Variants in CAMTA1 observed in about 807,000 individuals in gnomAD.
The protein encoded by CAMTA1 is calmodulin-binding transcription activator 1.
A neutral mutation model predicts 170.9 loss-of-function variants in CAMTA1; 27 were observed. The ratio of observed to expected loss-of-function variants is 0.16; its 90% confidence interval spans 0.12 to 0.22. The LOEUF is 0.22. Among genes scored for constraint, CAMTA1 ranks in the 10% least tolerant of loss-of-function variants. CAMTA1 has a pLI of 1.00. For synonymous variants in CAMTA1, 833 were observed against 891.5 expected (o/e 0.93, Z 1.17); for missense variants, 1,619 against 2,217.2 (o/e 0.73, Z 5.42).
At chr1:7,511,018 C>T (rs2094195306) in intron 6 of CAMTA1, among the ~76,000 whole-genome samples, 1 of 144,890 alleles carries the variant, frequency 6.9e-6, no homozygotes, top group African/African-American at 2.5e-5. Context: ...TTAAACTCTC[C>T]GTGTGTGTTA....
intron 4 of CAMTA1, among the ~76,000 whole-genome samples, chr1:7,211,293 C>T (rs899488441): frequency 3.9e-5 from 6 of 152,230 alleles, no homozygotes; most frequent in African/African-American, 9.6e-5. Context: ...AGTGTACCAT[C>T]GAACAAGCTT....
intron 3 of CAMTA1, among the ~76,000 whole-genome samples, chr1:6,937,334 TC>T: frequency 6.8e-6 from 1 of 147,220 alleles, no homozygotes; most frequent in South Asian, 2.2e-4. Flanking sequence ...CCATCACCAT[TC>T]ACCACTTACC....
intron 5 of CAMTA1, among the ~76,000 whole-genome samples, chr1:7,256,486 G>C (rs572079721): frequency 9.2e-5 from 14 of 152,304 alleles, no homozygotes; most frequent in Middle Eastern, 3.4e-3. Context: ...CGTGAACCCG[G>C]GAGGCGCAGC....
intron 3 of CAMTA1, among the ~76,000 whole-genome samples, chr1:7,032,717 AAT>A (rs1210992329): frequency 6.6e-6 from 1 of 151,924 alleles, no homozygotes; most frequent in Non-Finnish European, 1.5e-5. Context: ...GAGTTGCTTT[AAT>A]ATTTCTTGTA....
chr1:7,034,942 T>C (rs1283613272), intron 3 of CAMTA1, among the ~76,000 whole-genome samples: 1 of 152,198 alleles, frequency 6.6e-6, no homozygotes, highest in African/African-American at 2.4e-5. Context: ...AAATAAAAAT[T>C]GGCATTCCAT....
intron 5 of CAMTA1, among the ~76,000 whole-genome samples, chr1:7,446,107 T>C (rs953284284): frequency 6.6e-6 from 1 of 151,968 alleles, no homozygotes; most frequent in African/African-American, 2.4e-5. Flanking sequence ...CTCACCTTGC[T>C]GTCGGCAAGA....
chr1:6,964,517 G>A (rs1307456576), intron 3 of CAMTA1, among the ~76,000 whole-genome samples: 1 of 152,136 alleles, frequency 6.6e-6, no homozygotes, highest in Non-Finnish European at 1.5e-5. Flanking sequence ...AAAAGCCATG[G>A]CTGCCTCTCT....
intron 4 of CAMTA1, among the ~76,000 whole-genome samples, chr1:7,141,837 G>T (rs1349477084): frequency 1.3e-5 from 2 of 152,164 alleles, no homozygotes; most frequent in African/African-American, 2.4e-5. Context: ...GACTCCGAAG[G>T]CCTATTGACT....
At chr1:7,370,975 G>A (rs1272814847) in intron 5 of CAMTA1, among the ~76,000 whole-genome samples, 1 of 136,790 alleles carries the variant, frequency 7.3e-6, no homozygotes, top group Non-Finnish European at 1.5e-5. Context: ...GCAGTGGCGC[G>A]ATCTCGGCTC....
chr1:6,809,387 T>G (rs1644912986), intron 1 of CAMTA1, among the ~76,000 whole-genome samples: 1 of 152,042 alleles, frequency 6.6e-6, no homozygotes, highest in African/African-American at 2.4e-5. Context: ...CAGCGTGACA[T>G]TGGAGATGTG....
At chr1:7,172,493 G>A (rs572012018) in intron 4 of CAMTA1, among the ~76,000 whole-genome samples, 4 of 149,006 alleles carry the variant, frequency 2.7e-5, no homozygotes, top group Non-Finnish European at 4.4e-5. Context: ...GGAGGTGAAG[G>A]TATGCGGAGC....
In CAMTA1 at chr1:7,050,993, A is replaced by C. The variant is rs1706259151; in HGVS notation, c.235-40311A>C. Among the ~76,000 whole-genome samples, 1 of 152,052 alleles carries C rather than the reference A, an allele frequency of 6.6e-6. No homozygotes were observed. Among genetic ancestry groups the C allele is most frequent in the Non-Finnish European group, 1.5e-5 (1 of 68,012 alleles). On this transcript the variant is annotated intron_variant, in intron 3 of 22. Coordinates refer to ENST00000303635, the MANE Select transcript of CAMTA1 (RefSeq NM_015215.4). The surrounding 1 kb of genome is among the most constrained non-coding windows in gnomAD (Gnocchi z 4.8). Reference sequence around the variant, plus strand: ...ACTGTGCTGCCTCTTTCCGGGGTGTAATTTGAGTTTGCATGTGGAACGAGG... The same window carrying C: ...ACTGTGCTGCCTCTTTCCGGGGTGTCATTTGAGTTTGCATGTGGAACGAGG...
At chr1:7,715,675 G>A (rs1392418812) in intron 11 of CAMTA1, among the ~76,000 whole-genome samples, 1 of 152,206 alleles carries the variant, frequency 6.6e-6, no homozygotes, top group East Asian at 1.9e-4. Flanking sequence ...GCTGGCCTCA[G>A]TAATTCATAC....
chr1:7,051,865 G>A (rs940009997), intron 3 of CAMTA1, among the ~76,000 whole-genome samples: 1 of 152,050 alleles, frequency 6.6e-6, no homozygotes, highest in Non-Finnish European at 1.5e-5. Context: ...GGCTCTGTAC[G>A]CCCCCTCTCC....
intron 3 of CAMTA1, among the ~76,000 whole-genome samples, chr1:7,080,751 T>A (rs746256435): frequency 1.3e-5 from 2 of 152,184 alleles, no homozygotes; most frequent in Non-Finnish European, 2.9e-5. Flanking sequence ...GCCAGGCTGG[T>A]GGATTATTCT....
chr1:7,233,775 C>T lies in CAMTA1; in HGVS notation c.303-15716C>T, dbSNP rs1050593405. ...AGCCCCGGGATCTAACCCCTCTGGA[C>T]GTGCAGTTCCCTTTGTCTGGAAGGC... On this transcript the variant is annotated intron_variant, in intron 4 of 22. Transcript: ENST00000303635. Among the ~76,000 whole-genome samples, 15 of 152,158 alleles carry T rather than the reference C, an allele frequency of 9.9e-5. No homozygotes were observed. The East Asian group carries it at 1.9e-3, about 20-fold the overall frequency.
At chr1:7,489,994 C>A (rs778380179) in intron 6 of CAMTA1, among the ~76,000 whole-genome samples, 2 of 152,180 alleles carry the variant, frequency 1.3e-5, no homozygotes, top group Non-Finnish European at 2.9e-5. Flanking sequence ...TGTTCCACGC[C>A]GGGATATTGG....
intron 1 of CAMTA1, among the ~76,000 whole-genome samples, chr1:6,802,901 C>T (rs968768658): frequency 9.2e-5 from 14 of 152,164 alleles, no homozygotes; most frequent in African/African-American, 2.4e-4. Flanking sequence ...TATGCCACAA[C>T]GCCCGGCTGA....
intron 11 of CAMTA1, among the ~76,000 whole-genome samples, chr1:7,679,991 CT>C (rs940181205): frequency 1.3e-5 from 2 of 152,210 alleles, no homozygotes; most frequent in African/African-American, 2.4e-5. Context: ...CTTTTTCCCC[CT>C]AAATGAATAC....
Sources: allele counts gnomAD v4.1 joint callset (sites outside exome capture counted in the v4.1 genomes callset), GRCh38; gene constraint gnomAD v4.1.1; non-coding constraint Gnocchi (gnomAD v3.1); transcripts MANE v1.5; gene names NCBI Gene and HGNC (gene_info 2026-07-23, HGNC 2026-07-21).